Variants in WWOX observed in about 807,000 individuals in gnomAD.
The protein encoded by WWOX is WW domain containing oxidoreductase.
Under a neutral mutation model 46.2 loss-of-function variants are expected in WWOX, and 69 were observed. The ratio of observed to expected loss-of-function variants is 1.49; its 90% CI spans 1.23 to 1.82. WWOX has a LOEUF of 1.82. Ranked by LOEUF, WWOX falls within the 40% of genes most tolerant of loss-of-function variation. The pLI is 0.00. For synonymous variants in WWOX, 359 were observed against 202.6 expected (o/e 1.77, Z -6.56); for missense variants, 919 against 542.6 (o/e 1.69, Z -6.89).
intron 8 of WWOX, among the ~76,000 whole-genome samples, chr16:78,877,302 C>A (rs2044253849): frequency 6.6e-6 from 1 of 150,412 alleles, no homozygotes; most frequent in Admixed American, 6.6e-5. Flanking sequence ...CCGCCTGCCT[C>A]CCCCCTGTGA....
intron 6 of WWOX, among the ~76,000 whole-genome samples, chr16:78,422,767 A>G (rs2082972415): frequency 7.8e-6 from 1 of 128,230 alleles, no homozygotes; most frequent in Admixed American, 8.0e-5. Flanking sequence ...ACACATATAT[A>G]TACACACATA....
At chr16:78,187,024 C>T (rs940639574) in intron 5 of WWOX, among the ~76,000 whole-genome samples, 1 of 152,146 alleles carries the variant, frequency 6.6e-6, no homozygotes, top group African/African-American at 2.4e-5. Flanking sequence ...GTGTGTAGTT[C>T]TATGAAAAGT....
At chr16:78,391,444 G>A (rs9925526) in intron 6 of WWOX, among the ~76,000 whole-genome samples, 3 of 152,340 alleles carry the variant, frequency 2.0e-5, no homozygotes, top group Non-Finnish European at 1.5e-5. Context: ...AGGAGATCCA[G>A]AATTTGAACC....
At chr16:78,656,647 C>G (rs2047087777) in intron 8 of WWOX, among the ~76,000 whole-genome samples, 1 of 152,190 alleles carries the variant, frequency 6.6e-6, no homozygotes, top group South Asian at 2.1e-4. Context: ...CACCGGGCCC[C>G]TCCTCCAACA....
At position 78,261,736 on chromosome 16, in the gene WWOX, A is replaced by ATG. The variant is rs56377450; in HGVS notation, c.516+97461_516+97462dup. Among the ~76,000 whole-genome samples the ATG allele has an allele frequency of 2.2e-4, 31 of 139,436 alleles. 1 individual carries two copies. The highest frequency in any genetic ancestry group is 2.9e-4 in the Non-Finnish European group (19 of 65,404). 91.5% of individuals were successfully genotyped at this position (139,436 alleles called of 152,430 possible). On this transcript the variant is annotated intron_variant, in intron 5 of 8. Transcript: ENST00000566780. Reference sequence around the variant, plus strand: ...CATGTTGTATGTGGGCCCATTTGCCATGTGTGTGTGTGTGTCTGTCTATCT... The same window carrying ATG: ...CATGTTGTATGTGGGCCCATTTGCCATGTGTGTGTGTGTGTGTCTGTCTATCT...
chr16:78,226,924 T>A (rs1214648288), intron 5 of WWOX, among the ~76,000 whole-genome samples: 1 of 152,174 alleles, frequency 6.6e-6, no homozygotes, highest in Non-Finnish European at 1.5e-5. Context: ...AGAAATTACT[T>A]TGGACACAAA....
chr16:79,000,160 C>T (rs1190308831), intron 8 of WWOX, among the ~76,000 whole-genome samples: 2 of 152,150 alleles, frequency 1.3e-5, no homozygotes, highest in Non-Finnish European at 2.9e-5. Flanking sequence ...CACCATCTCC[C>T]TGCACCCCTT....
intron 8 of WWOX, chr16:78,873,620 C>G (rs902370644): frequency 5.9e-5 from 9 of 151,886 alleles, no homozygotes; most frequent in African/African-American, 2.2e-4. Flanking sequence ...CACCTCATCT[C>G]TATAAAATAT....
chr16:78,653,276 A>G (rs1250033946), intron 8 of WWOX, among the ~76,000 whole-genome samples: 1 of 152,212 alleles, frequency 6.6e-6, no homozygotes, highest in Admixed American at 6.5e-5. Context: ...CTAGTGTTGG[A>G]TAGCTAGGCC....
intron 8 of WWOX, among the ~76,000 whole-genome samples, chr16:78,638,821 C>T (rs560962079): frequency 1.3e-5 from 2 of 152,242 alleles, no homozygotes; most frequent in East Asian, 3.9e-4. Flanking sequence ...TAGGAGATTT[C>T]ACAGTTGTAG....
chr16:78,852,060 T>C (rs1947574478), intron 8 of WWOX, among the ~76,000 whole-genome samples: 2 of 152,222 alleles, frequency 1.3e-5, no homozygotes, highest in Admixed American at 6.5e-5. Context: ...GACATGTTTG[T>C]ATTTCTTCAA....
intron 5 of WWOX, among the ~76,000 whole-genome samples, chr16:78,333,994 G>T (rs1003853803): frequency 5.3e-5 from 8 of 152,148 alleles, no homozygotes; most frequent in African/African-American, 1.9e-4. Flanking sequence ...ATCAGCCTGA[G>T]TTCCTTTTGT....
intron 8 of WWOX, among the ~76,000 whole-genome samples, chr16:78,449,357 G>C (rs72799918): frequency 0.024 from 3,666 of 152,280 alleles, 98 homozygotes; most frequent in South Asian, 0.14. Flanking sequence ...AAATCACTGA[G>C]TCTGATCGTT....
At chr16:79,126,201 C>G (rs1300830028) in intron 8 of WWOX, among the ~76,000 whole-genome samples, 1 of 151,982 alleles carries the variant, frequency 6.6e-6, no homozygotes, top group African/African-American at 2.4e-5. Flanking sequence ...AGGCTTGGAA[C>G]CAAGCAGAGC....
At chr16:78,329,621 T>C in intron 5 of WWOX, among the ~76,000 whole-genome samples, 1 of 152,208 alleles carries the variant, frequency 6.6e-6, no homozygotes, top group Admixed American at 6.5e-5. Context: ...ATATAGCAGT[T>C]TCCTGCACAC....
chr16:79,012,479 C>CCCACCT (rs1054035753), intron 8 of WWOX, among the ~76,000 whole-genome samples: 36 of 152,224 alleles, frequency 2.4e-4, no homozygotes, highest in Non-Finnish European at 3.8e-4. Flanking sequence ...AAGTGATTTG[C>CCCACCT]CCACCTTAGC....
chr16:78,797,452 G>C (rs1315317964), intron 8 of WWOX, among the ~76,000 whole-genome samples: 1 of 149,166 alleles, frequency 6.7e-6, no homozygotes, highest in East Asian at 2.0e-4. Context: ...GCCTAAAGTA[G>C]ACCCATTCCC....
At chr16:79,058,131 A>AAC (rs67881007) in intron 8 of WWOX, among the ~76,000 whole-genome samples, 43 of 43,958 alleles carry the variant, frequency 9.8e-4, no homozygotes, top group East Asian at 2.1e-3. Context: ...CAAACAAACA[A>AAC]AAAAAAAAAA....
At chr16:78,969,186 C>T (rs1241928907) in intron 8 of WWOX, among the ~76,000 whole-genome samples, 2 of 151,948 alleles carry the variant, frequency 1.3e-5, no homozygotes, top group Non-Finnish European at 2.9e-5. Flanking sequence ...CAGTCACAAA[C>T]CCTAGCATGC....
Sources: gnomAD v4.1 joint callset for allele counts (sites outside exome capture counted in the v4.1 genomes callset) on GRCh38, gnomAD v4.1.1 for gene constraint, MANE v1.5 for transcripts, NCBI Gene and HGNC (gene_info 2026-07-23, HGNC 2026-07-21) for gene names.